Variants in DOCK4 observed in about 807,000 individuals in gnomAD.
The protein encoded by DOCK4 is dedicator of cytokinesis 4.
In DOCK4, 97 loss-of-function variants were observed where a neutral mutation model predicts 268.1. The ratio of observed to expected loss-of-function variants is 0.36; its 90% CI spans 0.31 to 0.43. DOCK4 has a LOEUF of 0.43. Among genes scored for constraint, DOCK4 ranks in the 20% least tolerant of loss-of-function variants. The pLI, the probability that DOCK4 is intolerant of heterozygous loss-of-function variation, is 1.00. For synonymous variants in DOCK4, 954 were observed against 887.2 expected (o/e 1.08, Z -1.34); for missense variants, 2,145 against 2,455.7 (o/e 0.87, Z 2.67).
intron 41 of DOCK4, 80 bp downstream of exon 41, chr7:111,758,541 GAGT>G: frequency 6.9e-7 from 1 of 1,454,754 alleles, no homozygotes; most frequent in South Asian, 1.2e-5. Flanking sequence ...ACACTATTCT[GAGT>G]AAATATTTAC....
intron 26 of DOCK4, among the ~76,000 whole-genome samples, chr7:111,827,908 G>T (rs1802524734): frequency 6.6e-6 from 1 of 152,146 alleles, no homozygotes; most frequent in Admixed American, 6.5e-5. Context: ...AAGCTAGTGG[G>T]ACAGTATATA....
intron 1 of DOCK4, among the ~76,000 whole-genome samples, chr7:112,116,874 G>A (rs1200970050): frequency 6.6e-6 from 1 of 152,158 alleles, no homozygotes; most frequent in Non-Finnish European, 1.5e-5. Flanking sequence ...TTACAGGCAT[G>A]AGCCACTGTA....
At chr7:111,834,816 G>A in intron 25 of DOCK4, 130 bp from the exon 26 acceptor site, 1 of 561,572 alleles carries the variant, frequency 1.8e-6, no homozygotes, top group Non-Finnish European at 2.9e-6. Context: ...AACTTGCCCT[G>A]TGAAGTCTTC....
In DOCK4 at chr7:111,939,857, C is replaced by G. The variant is rs935528414; in HGVS notation, c.977+253G>C. 9.2e-5 allele frequency among the ~76,000 whole-genome samples: 14 copies of G among 152,288 alleles called. 1 individual carries two copies. Among genetic ancestry groups the G allele is most frequent in the South Asian group, 6.2e-4 (3 of 4,820 alleles). On this transcript the variant is annotated intron_variant, in intron 11 of 52. Coordinates refer to ENST00000428084, the MANE Select transcript of DOCK4 (RefSeq NM_001363540.2). ...AGGTTTATAAATTCAAAGGTGGTAT[C>G]CCACATAGTAGACGGTCTACCTAAC...
intron 1 of DOCK4, among the ~76,000 whole-genome samples, chr7:112,133,943 T>C (rs1814063914): frequency 6.6e-6 from 1 of 151,628 alleles, no homozygotes; most frequent in Non-Finnish European, 1.5e-5. Flanking sequence ...TGGAATGGAG[T>C]GGGATGGAAT....
At chr7:112,200,732 A>AAAC (rs1554478903) in intron 1 of DOCK4, among the ~76,000 whole-genome samples, 1 of 116,638 alleles carries the variant, frequency 8.6e-6, no homozygotes, top group Non-Finnish European at 1.7e-5. Flanking sequence ...AAATAAAAAA[A>AAAC]AAAAAACAAA....
At chr7:111,759,868 T>C (rs1437656545) in intron 40 of DOCK4, among the ~76,000 whole-genome samples, 1 of 151,916 alleles carries the variant, frequency 6.6e-6, no homozygotes, top group African/African-American at 2.4e-5. Flanking sequence ...CCACAGGATA[T>C]GTCAAAGGAA....
intron 1 of DOCK4, among the ~76,000 whole-genome samples, chr7:112,167,535 C>G (rs1817710221): frequency 6.6e-6 from 1 of 152,156 alleles, no homozygotes; most frequent in South Asian, 2.1e-4. Context: ...CCGCCTATTA[C>G]TTTAAAATGC....
At chr7:112,022,475 G>A (rs73430898) in intron 1 of DOCK4, among the ~76,000 whole-genome samples, 12 of 152,194 alleles carry the variant, frequency 7.9e-5, no homozygotes, top group African/African-American at 1.4e-4. Context: ...ACAGAGTAGC[G>A]GTGAGGAGCA....
Position 111,901,775 on chromosome 7 carries a change from T to A in DOCK4, c.1219A>T (p.Thr407Ser), listed in dbSNP as rs776491150. The A allele has an allele frequency of 3.1e-6, 5 of 1,590,626 alleles. No homozygotes were observed. Among genetic ancestry groups the A allele is most frequent in the Non-Finnish European group, 3.4e-6 (4 of 1,160,706 alleles). The change falls in exon 14 of 53, where the codon ACT becomes TCT. Residue 407 changes from threonine to serine, a missense_variant. Physicochemically the swap from Thr to Ser is moderately conservative, Grantham distance 58. Around this residue, in one of 2 missense-constraint regions of DOCK4, gnomAD observed 1,598 missense variants for 1,986.7 expected, o/e 0.80. Transcript: ENST00000428084. ...TTCTCAAATTCTCCCCTTTCAATAG[T>A]GATATATAAATCATTCCTCATTTCA... Reference protein sequence around the residue: ...PGEMRNDLYITIERGEFEKGG... With the variant: ...PGEMRNDLYISIERGEFEKGG...
At chr7:111,977,428 G>A in intron 7 of DOCK4, 145 bp from the exon 8 acceptor site, 1 of 796,030 alleles carries the variant, frequency 1.3e-6, no homozygotes. Context: ...TAAATCCACA[G>A]CAAAATATAC....
At chr7:112,205,601 C>G (rs1301463781) in intron 1 of DOCK4, among the ~76,000 whole-genome samples, 1 of 152,102 alleles carries the variant, frequency 6.6e-6, no homozygotes, top group East Asian at 1.9e-4. Flanking sequence ...CCGGGAATGT[C>G]GATCCGAGCC....
Position 111,747,361 on chromosome 7 carries a change from T to G in DOCK4, c.4499A>C (p.Gln1500Pro). The G allele has an allele frequency of 6.2e-7, 1 of 1,613,536 alleles. No individual in the cohort carries two copies. The highest frequency in any genetic ancestry group is 8.5e-7 in the Non-Finnish European group (1 of 1,179,780). ...QQLKTLISQC[Q>P]TRQMQNINPL... is the part of the protein sequence containing the mutation. Reference sequence around the variant, plus strand: ...ATTAATATTCTGCATCTGTCTTGTCTGACACTGACTAATCAGAGTCTTCAG... The same window carrying G: ...ATTAATATTCTGCATCTGTCTTGTCGGACACTGACTAATCAGAGTCTTCAG... The change falls in exon 43 of 53, where the codon CAG becomes CCG. Residue 1500 changes from glutamine (Q) to proline (P), a missense_variant. Gln to Pro is a moderately conservative substitution (Grantham distance 76). This residue lies in a region of DOCK4 where 1,598 missense variants were observed against 1,986.7 expected (regional missense o/e 0.80). Coordinates refer to ENST00000428084, the MANE Select transcript of DOCK4 (RefSeq NM_001363540.2).
chr7:111,748,812 T>C (rs1796446274), intron 42 of DOCK4, among the ~76,000 whole-genome samples: 2 of 152,154 alleles, frequency 1.3e-5, no homozygotes, highest in African/African-American at 4.8e-5. Context: ...AAAATGTTCA[T>C]AATCTCCAAA....
intron 26 of DOCK4, among the ~76,000 whole-genome samples, chr7:111,830,795 CT>C (rs397959331): frequency 2.6e-4 from 39 of 147,274 alleles, no homozygotes; most frequent in East Asian, 1.2e-3. Flanking sequence ...GTATATTTTC[CT>C]TTTTTTTTTT....
intron 36 of DOCK4, among the ~76,000 whole-genome samples, chr7:111,773,559 C>T (rs550619865): frequency 6.6e-6 from 1 of 152,108 alleles, no homozygotes; most frequent in Non-Finnish European, 1.5e-5. Flanking sequence ...AAAAAGTTTA[C>T]TGTTTTTTTT....
chr7:112,016,893 T>A (rs1303583016), intron 1 of DOCK4, among the ~76,000 whole-genome samples: 1 of 152,202 alleles, frequency 6.6e-6, no homozygotes, highest in Non-Finnish European at 1.5e-5. Flanking sequence ...CTTTAGATAT[T>A]ACTTCCTTAA....
chr7:111,877,268 T>C (rs1003872961), intron 16 of DOCK4, 82 bp from the exon 17 acceptor site: 3 of 1,140,424 alleles, frequency 2.6e-6, no homozygotes, highest in Non-Finnish European at 3.4e-6. Context: ...ATTACTAGTG[T>C]TTATAAACTG....
At chr7:111,843,599 T>C (rs576292022) in intron 25 of DOCK4, among the ~76,000 whole-genome samples, 9 of 152,296 alleles carry the variant, frequency 5.9e-5, no homozygotes, top group Non-Finnish European at 1.0e-4. Context: ...ATTGAGAAAG[T>C]GGACGATTCA....
Sources: gnomAD v4.1 joint callset for allele counts (sites outside exome capture counted in the v4.1 genomes callset) on GRCh38, gnomAD v4.1.1 for gene constraint, gnomAD v4.1.1 regional missense constraint, MANE v1.5 for transcripts, NCBI Gene and HGNC (gene_info 2026-07-23, HGNC 2026-07-21) for gene names.